Variants in FGGY observed in about 807,000 individuals in gnomAD.
FGGY encodes FGGY carbohydrate kinase domain-containing protein.
FGGY carries 72 observed loss-of-function variants against 71.3 expected under a neutral mutation model. The ratio of observed to expected loss-of-function variants is 1.01; its 90% CI spans 0.84 to 1.23. The LOEUF (loss-of-function observed/expected upper bound fraction) is 1.23. Ranked by LOEUF, FGGY falls within the 50% of genes most tolerant of loss-of-function variation. FGGY has a pLI of 0.00. For synonymous variants in FGGY, 251 were observed against 250.3 expected (o/e 1.00, Z -0.02); for missense variants, 668 against 682.3 (o/e 0.98, Z 0.23).
intron 7 of FGGY, among the ~76,000 whole-genome samples, chr1:59,541,887 G>A (rs771645688): frequency 3.3e-5 from 5 of 152,150 alleles, no homozygotes; most frequent in Non-Finnish European, 4.4e-5. Context: ...GTTACTGAAC[G>A]TGCTGAGTCT....
At chr1:59,463,386 A>T (rs1279110459) in intron 6 of FGGY, among the ~76,000 whole-genome samples, 1 of 152,208 alleles carries the variant, frequency 6.6e-6, no homozygotes, top group Non-Finnish European at 1.5e-5. Context: ...AGGAACAACC[A>T]GTACCAGCCA....
chr1:59,432,556 C>T (rs2067598174), intron 5 of FGGY, among the ~76,000 whole-genome samples: 1 of 152,130 alleles, frequency 6.6e-6, no homozygotes, highest in African/African-American at 2.4e-5. Flanking sequence ...TGGGAAAATC[C>T]CTCACACACG....
At chr1:59,660,134 A>C (rs2097260618) in intron 11 of FGGY, 85 bp from the exon 12 acceptor site, 1 of 1,232,444 alleles carries the variant, frequency 8.1e-7, no homozygotes, top group South Asian at 1.2e-5. Context: ...AAGAAAACAC[A>C]TCTGAACGTA....
intron 14 of FGGY, among the ~76,000 whole-genome samples, chr1:59,709,632 G>A (rs1238806516): frequency 1.3e-5 from 2 of 152,194 alleles, no homozygotes; most frequent in Admixed American, 1.3e-4. Flanking sequence ...CAAGTGAGAG[G>A]AGCGGAGGAA....
chr1:59,368,190 T>C (rs2056900241), intron 4 of FGGY, among the ~76,000 whole-genome samples: 1 of 152,196 alleles, frequency 6.6e-6, no homozygotes, highest in African/African-American at 2.4e-5. Context: ...CTCCTTGCAC[T>C]CTCTAATCCG....
intron 5 of FGGY, among the ~76,000 whole-genome samples, chr1:59,409,290 T>G (rs2063225589): frequency 6.6e-6 from 1 of 152,162 alleles, no homozygotes; most frequent in African/African-American, 2.4e-5. Context: ...ATAAGGACAC[T>G]TTCATTTGTC....
intron 5 of FGGY, among the ~76,000 whole-genome samples, chr1:59,399,366 TAA>T (rs1462390148): frequency 6.6e-6 from 1 of 152,220 alleles, no homozygotes; most frequent in African/African-American, 2.4e-5. Flanking sequence ...GCCCAGGATA[TAA>T]GTGATTATTT....
intron 5 of FGGY, among the ~76,000 whole-genome samples, chr1:59,451,024 G>A (rs1487899505): frequency 6.6e-6 from 1 of 151,990 alleles, no homozygotes; most frequent in African/African-American, 2.4e-5. Flanking sequence ...ATGAAATACT[G>A]AGATAATTGA....
In FGGY at chr1:59,438,618, T is replaced by A. The variant is rs189319503; in HGVS notation, c.555-18343T>A. Among the ~76,000 whole-genome samples the A allele has an allele frequency of 1.1e-3, 160 of 152,338 alleles. 1 individual carries two copies. Among genetic ancestry groups the A allele is most frequent in the African/African-American group, 3.4e-3 (141 of 41,578 alleles). On this transcript the variant is annotated intron_variant, in intron 5 of 15. Transcript: ENST00000303721. The stretch of plus-strand genomic sequence containing the variant: ...ATGTTAGTTCCCTGTGGATTCATTA[T>A]AGTCCCCGGGAAACCAAAAGTTTTG...
chr1:59,326,730 T>C (rs1381839580), intron 2 of FGGY, among the ~76,000 whole-genome samples: 1 of 152,190 alleles, frequency 6.6e-6, no homozygotes, highest in Non-Finnish European at 1.5e-5. Context: ...GTGTTTTTTT[T>C]TTCCTCTAGT....
At chr1:59,571,037 G>A (rs1005446265) in intron 8 of FGGY, among the ~76,000 whole-genome samples, 2 of 152,156 alleles carry the variant, frequency 1.3e-5, no homozygotes, top group African/African-American at 4.8e-5. Context: ...ACTTGTCATG[G>A]ACAGCCGTCT....
In FGGY at chr1:59,712,652, A is replaced by C. The variant is rs538535776; in HGVS notation, c.1512+38519A>C. Among the ~76,000 whole-genome samples the C allele has an allele frequency of 2.7e-4, 41 of 152,310 alleles. 1 individual carries two copies. In the South Asian group the frequency reaches 8.1e-3, roughly 30 times the overall value. ...GGTTCAGCACTACATGGAAGCTGCC[A>C]AGGCTTGAGGCTTGCACCCTCTGAA... On this transcript the variant is annotated intron_variant, in intron 14 of 15. Transcript: ENST00000303721.
At chr1:59,578,979 T>G (rs1176130152) in intron 8 of FGGY, among the ~76,000 whole-genome samples, 1 of 152,114 alleles carries the variant, frequency 6.6e-6, no homozygotes, top group Non-Finnish European at 1.5e-5. Flanking sequence ...GCCACACAGC[T>G]TCTCAAGTGC....
chr1:59,606,489 A>T lies in FGGY; in HGVS notation c.904-1314A>T, dbSNP rs540317640. On this transcript the variant is annotated intron_variant, in intron 8 of 15. Transcript: ENST00000303721. ...GTTTATGAAGCATTAAGGAGAAAGT[A>T]TTTTGACCTTTTTAGTCATTGGCTG... Among the ~76,000 whole-genome samples the T allele has an allele frequency of 7.9e-5, 12 of 152,274 alleles. No individual in the cohort carries two copies. The East Asian group carries it at 2.3e-3, about 29-fold the overall frequency.
chr1:59,747,150 G>A (rs1420481375), intron 14 of FGGY, among the ~76,000 whole-genome samples: 1 of 152,158 alleles, frequency 6.6e-6, no homozygotes, highest in African/African-American at 2.4e-5. Context: ...TATTAGATGA[G>A]TGACAGCTTG....
chr1:59,762,121 A>G (rs968163975), intron 15 of FGGY, among the ~76,000 whole-genome samples: 2 of 150,384 alleles, frequency 1.3e-5, no homozygotes, highest in African/African-American at 4.9e-5. Flanking sequence ...GCTGGAGCGA[A>G]GTGGTGCAAC....
At chr1:59,416,126 G>A (rs2064370529) in intron 5 of FGGY, among the ~76,000 whole-genome samples, 3 of 152,220 alleles carry the variant, frequency 2.0e-5, no homozygotes, top group South Asian at 4.1e-4. Flanking sequence ...AATGCTTTCA[G>A]CTGCAGTGAC....
At position 59,674,039 on chromosome 1, in the gene FGGY, G is replaced by A. The variant is rs752651753; in HGVS notation, c.1418G>A (p.Gly473Asp). 1 of 1,613,162 alleles carries A rather than the reference G, an allele frequency of 6.2e-7. No homozygotes were observed. Among genetic ancestry groups the A allele is most frequent in the East Asian group, 2.2e-5 (1 of 44,810 alleles). ...CAAGGTGTGGCCTTGTCCTGCGCAG[G>A]CATGCCTGTGGTCCTGTCGCAAGAG... ...LFVQMHADIT[G>D]MPVVLSQEVE... The change falls in exon 14 of 16, where the codon GGC (glycine) becomes GAC (aspartate). Residue 473 changes from glycine to aspartate, a missense_variant and splice_region_variant. Physicochemically the swap from Gly to Asp is moderately conservative, Grantham distance 94. This residue lies in a region of FGGY where 661 missense variants were observed against 661.6 expected (regional missense o/e 1.00). Transcript: ENST00000303721.
At chr1:59,735,203 C>T (rs2098089677) in intron 14 of FGGY, among the ~76,000 whole-genome samples, 1 of 152,142 alleles carries the variant, frequency 6.6e-6, no homozygotes, top group South Asian at 2.1e-4. Context: ...TCCAACCCCA[C>T]CCCACTGACT....
Sources: gnomAD v4.1 joint callset for allele counts (sites outside exome capture counted in the v4.1 genomes callset) on GRCh38, gnomAD v4.1.1 for gene constraint, gnomAD v4.1.1 regional missense constraint, MANE v1.5 for transcripts, NCBI Gene and HGNC (gene_info 2026-07-23, HGNC 2026-07-21) for gene names.